Variants in PSMD14 observed in about 807,000 individuals in gnomAD.
PSMD14 encodes ubiquitin C-terminal hydrolase PSMD14.
Under a neutral mutation model 41.2 loss-of-function variants are expected in PSMD14, and 7 were observed. The ratio of observed to expected loss-of-function variants is 0.17; its 90% CI spans 0.10 to 0.32. The LOEUF (loss-of-function observed/expected upper bound fraction) is 0.32. Ranked by LOEUF, PSMD14 falls within the 10% of genes least tolerant of loss-of-function variation. The pLI is 1.00. For missense variants in PSMD14, 139 were observed against 375.6 expected, an observed-to-expected ratio of 0.37 and a Z score of 5.21; for synonymous variants, 114 against 122.3, an observed-to-expected ratio of 0.93 and a Z score of 0.45.
chr2:161,364,158 A>G (rs913500465), intron 3 of PSMD14, among the ~76,000 whole-genome samples: 2 of 152,136 alleles, frequency 1.3e-5, no homozygotes, highest in Non-Finnish European at 2.9e-5. Flanking sequence ...ACTCTGCTTC[A>G]TTCTGCTGGT....
chr2:161,365,705 TG>T lies in PSMD14; in HGVS notation c.49-1767del, dbSNP rs554698743. On this transcript the variant is annotated intron_variant, in intron 3 of 11. Coordinates refer to ENST00000409682, the MANE Select transcript of PSMD14 (RefSeq NM_005805.6). The stretch of plus-strand genomic sequence containing the variant: ...ATTGGCAAATAATTATATATATTGG[TG>T]GGGGGTGATGTTTTGATAAATATAT... Among the ~76,000 whole-genome samples the T allele has an allele frequency of 2.3e-3, 352 of 152,224 alleles. 1 individual carries two copies. Among genetic ancestry groups the T allele is most frequent in the African/African-American group, 7.7e-3 (318 of 41,560 alleles).
At chr2:161,368,470 C>A (rs138061422) in intron 5 of PSMD14, among the ~76,000 whole-genome samples, 1 of 152,162 alleles carries the variant, frequency 6.6e-6, no homozygotes, top group African/African-American at 2.4e-5. Context: ...TACAAATTAC[C>A]TGTATAGAAT....
At chr2:161,358,553 C>A (rs942420107) in intron 3 of PSMD14, among the ~76,000 whole-genome samples, 7 of 152,190 alleles carry the variant, frequency 4.6e-5, no homozygotes, top group Non-Finnish European at 8.8e-5. Flanking sequence ...CTGCCCATTT[C>A]TGCCCATTAC....
chr2:161,312,512 G>C (rs548277698), intron 1 of PSMD14, among the ~76,000 whole-genome samples: 1 of 152,254 alleles, frequency 6.6e-6, no homozygotes, highest in African/African-American at 2.4e-5. Flanking sequence ...CAGACATAAA[G>C]TGAGAAAGAA....
intron 3 of PSMD14, among the ~76,000 whole-genome samples, chr2:161,355,534 T>C (rs762833376): frequency 1.4e-4 from 21 of 152,194 alleles, no homozygotes; most frequent in Non-Finnish European, 2.4e-4. Flanking sequence ...TTTCCATTCT[T>C]ATTTTCTTTC....
intron 10 of PSMD14, among the ~76,000 whole-genome samples, chr2:161,406,240 A>G (rs1683946126): frequency 6.6e-6 from 1 of 152,178 alleles, no homozygotes; most frequent in African/African-American, 2.4e-5. Context: ...ATCACATAAC[A>G]GACCAAATTC....
chr2:161,312,774 A>C (rs896932196), intron 1 of PSMD14, among the ~76,000 whole-genome samples: 1 of 152,218 alleles, frequency 6.6e-6, no homozygotes, highest in Non-Finnish European at 1.5e-5. Context: ...TAAGAATTGA[A>C]AGTGTTCCCT....
chr2:161,371,151 T>G (rs759660723), intron 6 of PSMD14, 21 bp from the exon 7 acceptor site: 3 of 1,610,406 alleles, frequency 1.9e-6, no homozygotes, highest in Middle Eastern at 1.7e-4. Flanking sequence ...TCTGAGCATC[T>G]GAATGCCCTC....
At chr2:161,366,421 CAA>C (rs1406432790) in intron 3 of PSMD14, among the ~76,000 whole-genome samples, 3 of 136,016 alleles carry the variant, frequency 2.2e-5, no homozygotes, top group Middle Eastern at 3.6e-3. Flanking sequence ...CACACACACA[CAA>C]AAGCACAAAG....
intron 3 of PSMD14, among the ~76,000 whole-genome samples, chr2:161,364,917 A>G (rs1246724687): frequency 6.6e-6 from 1 of 152,082 alleles, no homozygotes; most frequent in Non-Finnish European, 1.5e-5. Flanking sequence ...CAGCCTGGGC[A>G]ACACAGGGAA....
At chr2:161,396,560 T>C (rs1341720855) in intron 10 of PSMD14, among the ~76,000 whole-genome samples, 2 of 152,098 alleles carry the variant, frequency 1.3e-5, no homozygotes, top group African/African-American at 4.8e-5. Flanking sequence ...ATCTCACTTA[T>C]ATGTGGAATC....
chr2:161,315,042 A>G (rs980584335), intron 1 of PSMD14, among the ~76,000 whole-genome samples: 1 of 152,224 alleles, frequency 6.6e-6, no homozygotes, highest in Admixed American at 6.5e-5. Flanking sequence ...GGGTATTATC[A>G]TCTCAAGATA....
intron 2 of PSMD14, among the ~76,000 whole-genome samples, chr2:161,318,161 G>A (rs1175988755): frequency 1.3e-5 from 2 of 152,156 alleles, no homozygotes; most frequent in African/African-American, 4.8e-5. Context: ...AGTGAAAAAG[G>A]TGTATATATC....
At chr2:161,324,614 A>G (rs1015687099) in intron 3 of PSMD14, among the ~76,000 whole-genome samples, 3 of 150,864 alleles carry the variant, frequency 2.0e-5, no homozygotes, top group Admixed American at 6.6e-5. Context: ...TTGTAGTTTC[A>G]TGAAGATTTT....
At chr2:161,378,805 T>C (rs1291779401) in intron 7 of PSMD14, among the ~76,000 whole-genome samples, 1 of 152,018 alleles carries the variant, frequency 6.6e-6, no homozygotes, top group Non-Finnish European at 1.5e-5. Flanking sequence ...ATCCATAAAT[T>C]GATAATATTA....
At chr2:161,341,862 TAA>T (rs138340137) in intron 3 of PSMD14, among the ~76,000 whole-genome samples, 3 of 135,248 alleles carry the variant, frequency 2.2e-5, no homozygotes, top group Non-Finnish European at 3.2e-5. Context: ...AAATTAAAAT[TAA>T]AAAAAATATA....
intron 9 of PSMD14, among the ~76,000 whole-genome samples, chr2:161,394,108 A>G (rs926735536): frequency 6.6e-6 from 1 of 150,578 alleles, no homozygotes; most frequent in Non-Finnish European, 1.5e-5. Context: ...AGTAGCTGAG[A>G]TTACAGGCGT....
rs1689150188 is a variant in PSMD14, at chr2:161,316,550, G to A, written c.-24G>A. The A allele has an allele frequency of 6.6e-6, 1 of 152,178 alleles. No homozygotes were observed. Among genetic ancestry groups the A allele is most frequent in the Non-Finnish European group, 1.5e-5 (1 of 68,024 alleles). The allele number at this position is 152,178 out of a possible 1,614,324, so 9.4% of individuals were successfully genotyped here. A position where few individuals can be genotyped will look rare whatever the true frequency, so the allele number is the denominator to read the frequency against. ...AACAAATTGAAGGTTAACACCTTAA[G>A]AGTTGTAGTTACTGACCAGGTAAGG... On this transcript the variant is annotated 5_prime_UTR_variant, in exon 2 of 12. Transcript: ENST00000409682.
At chr2:161,315,999 G>C (rs1217975251) in intron 1 of PSMD14, among the ~76,000 whole-genome samples, 1 of 151,908 alleles carries the variant, frequency 6.6e-6, no homozygotes, top group Non-Finnish European at 1.5e-5. Context: ...CTGCCACCAC[G>C]CCTGGCTAAT....
Sources: allele counts gnomAD v4.1 joint callset (sites outside exome capture counted in the v4.1 genomes callset), GRCh38; gene constraint gnomAD v4.1.1; transcripts MANE v1.5; gene names NCBI Gene and HGNC (gene_info 2026-07-23, HGNC 2026-07-21).